The following SDCCAG8 variants were observed in gnomAD, a reference collection of about 807,000 sequenced individuals.
The protein encoded by SDCCAG8 is SHH signaling and ciliogenesis regulator SDCCAG8, also known as serologically defined colon cancer antigen 8.
In SDCCAG8, 74 loss-of-function variants were observed where a neutral mutation model predicts 101.8. The observed-to-expected ratio is 0.73, with a 90% CI of 0.60 to 0.88. The LOEUF (loss-of-function observed/expected upper bound fraction) is 0.88, where lower values mean the gene tolerates loss of function less well. Among genes scored for constraint, SDCCAG8 ranks in the 40% least tolerant of loss-of-function variants. The pLI, the probability that SDCCAG8 is intolerant of heterozygous loss-of-function variation, is 0.00. For missense variants in SDCCAG8, 787 were observed against 822.6 expected (o/e 0.96, Z 0.53); for synonymous variants, 281 against 292.9 (o/e 0.96, Z 0.41).
chr1:243,452,409 C>CTTTTTTTTTTTTTTTTTTTTTT (rs1558489172), intron 16 of SDCCAG8, among the ~76,000 whole-genome samples: 1 of 121,034 alleles, frequency 8.3e-6, no homozygotes, highest in Admixed American at 8.1e-5. Flanking sequence ...GAGATGATCT[C>CTTTTTTTTTTTTTTTTTTTTTT]ATCTCTTTTT....
At chr1:243,347,161 C>T (rs1021996705) in intron 12 of SDCCAG8, among the ~76,000 whole-genome samples, 3 of 152,140 alleles carry the variant, frequency 2.0e-5, no homozygotes, top group African/African-American at 7.2e-5. Flanking sequence ...TCCACCTTCT[C>T]ATCTTCATCT....
intron 12 of SDCCAG8, among the ~76,000 whole-genome samples, chr1:243,364,356 A>G (rs958862907): frequency 6.6e-6 from 1 of 152,204 alleles, no homozygotes; most frequent in Non-Finnish European, 1.5e-5. Context: ...GCATCCAAGC[A>G]TAAATGTTAG....
Position 243,262,314 on chromosome 1 carries a change from C to T in SDCCAG8, c.67+6074C>T, listed in dbSNP as rs2067256795. Among the ~76,000 whole-genome samples, 2 of 149,114 alleles carry T rather than the reference C, an allele frequency of 1.3e-5. 1 individual carries two copies. Among genetic ancestry groups the T allele is most frequent in the South Asian group, 4.3e-4 (2 of 4,654 alleles). On this transcript the variant is annotated intron_variant, in intron 1 of 17. Coordinates refer to ENST00000366541, the MANE Select transcript of SDCCAG8 (RefSeq NM_006642.5). ...AGAGGCAGGGTTTCACCATGTTGCC[C>T]AGGCTGGTCTCGAACTCCTGGCCTC...
chr1:243,410,029 T>C (rs1177161123), intron 13 of SDCCAG8, among the ~76,000 whole-genome samples: 5 of 152,194 alleles, frequency 3.3e-5, no homozygotes, highest in Admixed American at 3.3e-4. Flanking sequence ...TGTGCCAACC[T>C]GATACAGAGA....
At chr1:243,365,667 CA>C (rs1358884177) in intron 12 of SDCCAG8, among the ~76,000 whole-genome samples, 13 of 152,048 alleles carry the variant, frequency 8.5e-5, no homozygotes, top group Admixed American at 3.9e-4. Flanking sequence ...ATTTCTTTTA[CA>C]CAATAATTTT....
At chr1:243,411,492 T>C (rs974594447) in intron 13 of SDCCAG8, among the ~76,000 whole-genome samples, 1 of 152,180 alleles carries the variant, frequency 6.6e-6, no homozygotes, top group African/African-American at 2.4e-5. Context: ...CAGGTAAATA[T>C]GGTTTGACAA....
intron 16 of SDCCAG8, among the ~76,000 whole-genome samples, chr1:243,446,101 G>A (rs2082883543): frequency 6.6e-6 from 1 of 152,268 alleles, no homozygotes; most frequent in South Asian, 2.1e-4. Context: ...GTTTGACAGA[G>A]GGAAAAGGAA....
chr1:243,359,099 A>G (rs1407163237), intron 12 of SDCCAG8, among the ~76,000 whole-genome samples: 1 of 152,192 alleles, frequency 6.6e-6, no homozygotes, highest in East Asian at 1.9e-4. Context: ...TTTATTCCCT[A>G]GAGTAACTAA....
rs1397845347 is a variant in SDCCAG8, at chr1:243,317,936, A to C, written c.1068+1043A>C. The C allele has an allele frequency of 7.4e-6, 3 of 404,372 alleles. No individual in the cohort carries two copies. In the East Asian group the frequency reaches 2.2e-4, roughly 29 times the overall value. 25.0% of individuals were successfully genotyped at this position (404,372 alleles called of 1,614,324 possible). A position where few individuals can be genotyped will look rare whatever the true frequency, so the allele number is the denominator to read the frequency against. On this transcript the variant is annotated intron_variant, in intron 9 of 17. Transcript: ENST00000366541. ...CTGGTCTAAACCATATATGAATCTC[A>C]GTGTTTTATTAAAATATTAGGGCTA...
chr1:243,286,456 T>G, intron 5 of SDCCAG8, 59 bp downstream of exon 5: 1 of 1,573,428 alleles, frequency 6.4e-7, no homozygotes, highest in Non-Finnish European at 8.7e-7. Flanking sequence ...TTCTGCCCTC[T>G]CTCCTCGCCT....
At chr1:243,263,934 C>G (rs1365545936) in intron 1 of SDCCAG8, among the ~76,000 whole-genome samples, 3 of 152,168 alleles carry the variant, frequency 2.0e-5, no homozygotes, top group African/African-American at 7.2e-5. Context: ...CAGGCTGAGG[C>G]CCAGTCAAGT....
Position 243,414,409 on chromosome 1 carries a change from A to G in SDCCAG8, c.1617-1293A>G, listed in dbSNP as rs116459086. Among the ~76,000 whole-genome samples the G allele has an allele frequency of 2.3e-3, 347 of 152,280 alleles. 2 individuals carry two copies. Among genetic ancestry groups the G allele is most frequent in the Non-Finnish European group, 3.0e-3 (203 of 68,010 alleles). On this transcript the variant is annotated intron_variant, in intron 13 of 17. Transcript: ENST00000366541. ...CTGGTTTGGAACCGAGTGCGACGCA[A>G]GACCTTGGACCACATCCCGGGGGGA... is the stretch of plus-strand genomic sequence containing the variant.
intron 9 of SDCCAG8, among the ~76,000 whole-genome samples, chr1:243,323,196 T>C (rs1230861314): frequency 2.0e-5 from 3 of 151,782 alleles, no homozygotes; most frequent in Non-Finnish European, 4.4e-5. Flanking sequence ...CCTTCAGTGG[T>C]TGTAGGTACT....
intron 1 of SDCCAG8, among the ~76,000 whole-genome samples, chr1:243,260,485 A>C (rs1487245465): frequency 6.6e-6 from 1 of 152,226 alleles, no homozygotes. Context: ...ATAGCCAAGA[A>C]AGGGTGAAAA....
At chr1:243,327,380 A>T (rs867735436) in intron 9 of SDCCAG8, among the ~76,000 whole-genome samples, 3 of 145,764 alleles carry the variant, frequency 2.1e-5, no homozygotes, top group Non-Finnish European at 4.5e-5. Context: ...ATAGAAATTA[A>T]AATTATAATT....
intron 12 of SDCCAG8, among the ~76,000 whole-genome samples, chr1:243,353,251 G>A (rs2076183918): frequency 6.6e-6 from 1 of 151,862 alleles, no homozygotes. Flanking sequence ...AGCACTTTAA[G>A]AGGCTGAGGC....
chr1:243,344,398 T>G, intron 12 of SDCCAG8, 67 bp downstream of exon 12: 3 of 1,103,094 alleles, frequency 2.7e-6, no homozygotes, highest in Non-Finnish European at 4.2e-6. Flanking sequence ...CAAGTTGATG[T>G]TGTTTTATTC....
rs116877980 is a variant in SDCCAG8 at position 243,443,748 on chromosome 1, G to A, written c.1985+17190G>A. ...TGGCTTCCGCTTGCTGTGTCTGTCTGTTTCCATAATGGTCCAGAATAGAAA... is the reference window on the plus strand; with the variant it reads ...TGGCTTCCGCTTGCTGTGTCTGTCTATTTCCATAATGGTCCAGAATAGAAA... On this transcript the variant is annotated intron_variant, in intron 16 of 17. Transcript: ENST00000366541. Among the ~76,000 whole-genome samples the A allele has an allele frequency of 8.2e-3, 1,248 of 152,220 alleles. 44 individuals carry two copies. The East Asian group carries it at 0.12, about 15-fold the overall frequency.
chr1:243,259,370 G>A (rs1416731963), intron 1 of SDCCAG8, among the ~76,000 whole-genome samples: 2 of 152,042 alleles, frequency 1.3e-5, no homozygotes, highest in Admixed American at 6.5e-5. Flanking sequence ...TCGCGCCACT[G>A]CACTCCAGCC....
Sources: allele counts gnomAD v4.1 joint callset (sites outside exome capture counted in the v4.1 genomes callset), GRCh38; gene constraint gnomAD v4.1.1; transcripts MANE v1.5; gene names NCBI Gene and HGNC (gene_info 2026-07-23, HGNC 2026-07-21).